Variants in TRMT10A observed in about 807,000 individuals in gnomAD.
The protein encoded by TRMT10A is tRNA methyltransferase 10A.
TRMT10A carries 37 observed loss-of-function variants against 40.4 expected under a neutral mutation model. The observed-to-expected ratio is 0.92, with a 90% confidence interval of 0.71 to 1.21. The LOEUF (loss-of-function observed/expected upper bound fraction) is 1.21, where lower values mean the gene tolerates loss of function less well. Among genes scored for constraint, TRMT10A ranks in the 50% most tolerant of loss-of-function variants. The probability of loss-of-function intolerance (pLI) is 0.00; values close to 1 mark genes in which losing one functional copy is unlikely to be tolerated. For synonymous variants in TRMT10A, 103 were observed against 134.1 expected (o/e 0.77, Z 1.60); for missense variants, 388 against 404.3 (o/e 0.96, Z 0.35).
rs1724277179 is a variant in TRMT10A at position 99,559,023 on chromosome 4, AC to A, written c.185+130del. 8 of 1,010,504 alleles carry A rather than the reference AC, an allele frequency of 7.9e-6. 1 individual carries two copies. In the South Asian group the frequency reaches 1.9e-4, roughly 24 times the overall value. 62.6% of individuals were successfully genotyped at this position (1,010,504 alleles called of 1,614,324 possible). ...ATTTTCTTCTCTTGCGTTTTTCTTT[AC>A]GCTTTTGTCTAAAATTAGTAATTGA... On this transcript the variant is annotated intron_variant, in intron 2 of 7. Coordinates refer to ENST00000394876, the MANE Select transcript of TRMT10A (RefSeq NM_001134665.3).
chr4:99,559,852 T>C (rs1461045455), intron 1 of TRMT10A, among the ~76,000 whole-genome samples: 1 of 152,108 alleles, frequency 6.6e-6, no homozygotes, highest in Non-Finnish European at 1.5e-5. Flanking sequence ...AAAACTTATA[T>C]ATCCAAAAAT....
Position 99,559,222 on chromosome 4 carries a change from T to C in TRMT10A, c.117A>G (p.Pro39=). The C allele has an allele frequency of 1.2e-6, 2 of 1,613,622 alleles. No individual in the cohort carries two copies. The highest frequency in any genetic ancestry group is 1.1e-5 in the South Asian group (1 of 91,022). ...GTTTTTTCATTTGTCGTTTAGATAT[T>C]GGTTCACACCCTTCACCTAATCTTG... ...QKPRLGEGCE[P]ISKRQMKKLI... Residue 39 remains proline, a synonymous_variant, in exon 2 of 8, where the codon CCA becomes CCG. Transcript: ENST00000394876.
chr4:99,554,194 G>T (rs1724071549), intron 5 of TRMT10A, among the ~76,000 whole-genome samples: 1 of 152,034 alleles, frequency 6.6e-6, no homozygotes, highest in Admixed American at 6.5e-5. Context: ...CACACTGATA[G>T]CAGGCTCATT....
Position 99,549,266 on chromosome 4 carries a change from G to A in TRMT10A, c.842C>T (p.Thr281Ile). 1 of 1,614,110 alleles carries A rather than the reference G, an allele frequency of 6.2e-7. No individual in the cohort carries two copies. Among genetic ancestry groups the A allele is most frequent in the Non-Finnish European group, 8.5e-7 (1 of 1,180,002 alleles). ...AGAAGCACTTTCACAGGCTTTGTCTGTGGGAACAGCTCCTTTCCGTTGGGG... is the reference window on the plus strand; with the variant it reads ...AGAAGCACTTTCACAGGCTTTGTCTATGGGAACAGCTCCTTTCCGTTGGGG... The part of the protein sequence containing the change: ...ILPQRKGAVP[T>I]DKACESASHD... The change falls in exon 8 of 8, where the codon ACA (threonine) becomes ATA (isoleucine). Residue 281 changes from threonine to isoleucine, a missense_variant. By Grantham distance (89) the Thr-to-Ile change is moderately conservative. Coordinates refer to ENST00000394876, the MANE Select transcript of TRMT10A (RefSeq NM_001134665.3).
At chr4:99,554,045 A>G in intron 5 of TRMT10A, 111 bp from the exon 6 acceptor site, 2 of 1,097,448 alleles carry the variant, frequency 1.8e-6, no homozygotes, top group South Asian at 2.9e-5. Flanking sequence ...ATATGAAACA[A>G]AGTTTGAAAT....
intron 6 of TRMT10A, among the ~76,000 whole-genome samples, chr4:99,551,208 C>T (rs1723951410): frequency 6.6e-6 from 1 of 152,246 alleles, no homozygotes; most frequent in Middle Eastern, 3.4e-3. Context: ...TTAAGCTCCT[C>T]AAGTTACAAA....
intron 5 of TRMT10A, among the ~76,000 whole-genome samples, chr4:99,554,942 T>C (rs1724109832): frequency 6.6e-6 from 1 of 152,106 alleles, no homozygotes; most frequent in Non-Finnish European, 1.5e-5. Flanking sequence ...ATGACATTTA[T>C]CCATAATTTT....
chr4:99,556,672 T>G (rs1724174086), intron 4 of TRMT10A, among the ~76,000 whole-genome samples: 1 of 152,144 alleles, frequency 6.6e-6, no homozygotes, highest in South Asian at 2.1e-4. Context: ...ATCACAGAAG[T>G]GTGATATGAG....
chr4:99,550,856 A>G, intron 7 of TRMT10A, 29 bp downstream of exon 7: 4 of 1,475,294 alleles, frequency 2.7e-6, no homozygotes, highest in South Asian at 2.3e-5. Flanking sequence ...TCGCTCAGGT[A>G]TATTTTCAGT....
Position 99,547,533 on chromosome 4 carries a change from T to A in TRMT10A, c.*1555A>T, listed in dbSNP as rs888111769. 6.6e-6 allele frequency: 1 copy of A among 152,092 alleles called. No individual in the cohort carries two copies. Among genetic ancestry groups the A allele is most frequent in the African/African-American group, 2.4e-5 (1 of 41,438 alleles). 9.4% of individuals were successfully genotyped at this position (152,092 alleles called of 1,614,324 possible). A position where few individuals can be genotyped will look rare whatever the true frequency, so the allele number is the denominator to read the frequency against. On this transcript the variant is annotated 3_prime_UTR_variant, in exon 8 of 8. Transcript: ENST00000394876. ...CATAAAATAATTTAAGTAAAAGGCA[T>A]AATATTTCATGCTAATAAACCACAT...
intron 5 of TRMT10A, among the ~76,000 whole-genome samples, chr4:99,554,217 T>G (rs1316614861): frequency 1.3e-5 from 2 of 152,214 alleles, no homozygotes; most frequent in East Asian, 3.8e-4. Flanking sequence ...CTAAAAACAC[T>G]ACTTTCAATG....
Position 99,559,165 on chromosome 4 carries a change from C to T in TRMT10A, c.174G>A (p.Arg58=). The part of the protein sequence containing the change: ...LIKQKQWEEQ[R]ELRKQKRKEK... The stretch of plus-strand genomic sequence containing the variant: ...TTTGAAACACATACTTGCGGAGTTC[C>T]CGTTGCTCTTCCCATTGTTTCTGTT... The change falls in exon 2 of 8, where the codon CGG becomes CGA. Residue 58 remains arginine, a synonymous_variant. Transcript: ENST00000394876. The T allele has an allele frequency of 6.2e-7, 1 of 1,612,084 alleles. No individual in the cohort carries two copies. Among genetic ancestry groups the T allele is most frequent in the African/African-American group, 1.3e-5 (1 of 74,948 alleles).
chr4:99,548,862 C>CA lies in TRMT10A; in HGVS notation c.*225dup, dbSNP rs1186830084. On this transcript the variant is annotated 3_prime_UTR_variant, in exon 8 of 8. Transcript: ENST00000394876. ...ACTACTGAGGCTTTAAAAACAAAAA[C>CA]AAAAAAAATCACATACACATTTAAA... 15 of 392,002 alleles carry CA rather than the reference C, an allele frequency of 3.8e-5. No homozygotes were observed. The highest frequency in any genetic ancestry group is 1.5e-4 in the South Asian group (2 of 13,042). 24.3% of individuals were successfully genotyped at this position (392,002 alleles called of 1,614,324 possible). A position where few individuals can be genotyped will look rare whatever the true frequency, so the allele number is the denominator to read the frequency against.
chr4:99,559,413 A>C, intron 1 of TRMT10A, 52 bp from the exon 2 acceptor site: 1 of 1,165,064 alleles, frequency 8.6e-7, no homozygotes, highest in Non-Finnish European at 1.2e-6. Context: ...AAAAACTCAA[A>C]TAATCAATAT....
At chr4:99,562,201 A>ATATATATGTGTGTGTGTGTGTT (rs374134499) in intron 1 of TRMT10A, among the ~76,000 whole-genome samples, 3 of 136,158 alleles carry the variant, frequency 2.2e-5, no homozygotes, top group Admixed American at 1.5e-4. Context: ...ATATATATAT[A>ATATATATGTGTGTGTGTGTGTT]TGTGTGTGTG....
chr4:99,558,525 C>T (rs1307823850), intron 2 of TRMT10A, among the ~76,000 whole-genome samples: 5 of 151,914 alleles, frequency 3.3e-5, no homozygotes, highest in Non-Finnish European at 5.9e-5. Flanking sequence ...TGAGTTATGA[C>T]GAATTTTATT....
chr4:99,560,114 G>C (rs1724330354), intron 1 of TRMT10A, among the ~76,000 whole-genome samples: 1 of 151,962 alleles, frequency 6.6e-6, no homozygotes, highest in African/African-American at 2.4e-5. Context: ...CAAAAAGACA[G>C]AACTGATTTT....
chr4:99,552,023 T>C (rs927825590), intron 6 of TRMT10A, among the ~76,000 whole-genome samples: 1 of 152,106 alleles, frequency 6.6e-6, no homozygotes, highest in Admixed American at 6.5e-5. Flanking sequence ...AGCTGTATAA[T>C]GTGTTTACGT....
chr4:99,548,644 A>C lies in TRMT10A; in HGVS notation c.*444T>G, dbSNP rs1723831546. The C allele has an allele frequency of 1.3e-5, 2 of 152,794 alleles. No homozygotes were observed. The highest frequency in any genetic ancestry group is 2.9e-5 in the Non-Finnish European group (2 of 68,472). 9.5% of individuals were successfully genotyped at this position (152,794 alleles called of 1,614,324 possible). A position where few individuals can be genotyped will look rare whatever the true frequency, so the allele number is the denominator to read the frequency against. On this transcript the variant is annotated 3_prime_UTR_variant, in exon 8 of 8. Coordinates refer to ENST00000394876, the MANE Select transcript of TRMT10A (RefSeq NM_001134665.3). ...ACATAAAAGCTGCAAATAGAGGGTA[A>C]CCTACCATACACAAATGCTGATAGA...
Sources: allele counts gnomAD v4.1 joint callset (sites outside exome capture counted in the v4.1 genomes callset), GRCh38; gene constraint gnomAD v4.1.1; transcripts MANE v1.5; gene names NCBI Gene and HGNC (gene_info 2026-07-23, HGNC 2026-07-21).